Variants in RNF152 observed in about 807,000 individuals in gnomAD.
The protein encoded by RNF152 is E3 ubiquitin-protein ligase RNF152.
RNF152 carries 11 observed loss-of-function variants against 12.7 expected under a neutral mutation model. That is an observed-to-expected ratio of 0.86 (90% CI 0.54 to 1.43). RNF152 has a LOEUF of 1.43. Among genes scored for constraint, RNF152 ranks in the 40% most tolerant of loss-of-function variants. RNF152 has a pLI of 0.00. For synonymous variants in RNF152, 113 were observed against 120.3 expected (o/e 0.94, Z 0.40); for missense variants, 255 against 274.8 (o/e 0.93, Z 0.51).
In RNF152 at chr18:61,816,168, C is replaced by T. The variant is rs544523545; in HGVS notation, c.296G>A (p.Cys99Tyr). 1 of 1,614,220 alleles carries T rather than the reference C, an allele frequency of 6.2e-7. No homozygotes were observed. The highest frequency in any genetic ancestry group is 1.1e-5 in the South Asian group (1 of 91,078). ...PVFIKLPSNGCYMLPLPISKE... is the reference protein window; with the variant it reads ...PVFIKLPSNGYYMLPLPISKE... ...GGAGATGGGCAGGGGCAGCATGTAG[C>T]ACCCATTGCTGGGAAGTTTGATGAA... Residue 99 changes from cysteine (C) to tyrosine (Y), a missense_variant, in exon 2 of 2, where the codon TGC becomes TAC. By Grantham distance (194) the Cys-to-Tyr change is radical. Transcript: ENST00000312828.
intron 1 of RNF152, among the ~76,000 whole-genome samples, chr18:61,844,110 G>GAAAGAA (rs1555702354): frequency 1.8e-4 from 24 of 137,028 alleles, no homozygotes; most frequent in Admixed American, 5.9e-4. Flanking sequence ...AAGAAAGAAA[G>GAAAGAA]AAAGAAAGAA....
intron 1 of RNF152, among the ~76,000 whole-genome samples, chr18:61,868,913 A>G (rs1468812526): frequency 3.3e-5 from 5 of 152,192 alleles, no homozygotes; most frequent in Admixed American, 1.3e-4. Flanking sequence ...ACATCTTCAT[A>G]GATGACTTAA....
intron 1 of RNF152, among the ~76,000 whole-genome samples, chr18:61,842,003 T>G (rs749529705): frequency 6.6e-6 from 1 of 152,166 alleles, no homozygotes; most frequent in Non-Finnish European, 1.5e-5. Flanking sequence ...AAACATGAGG[T>G]GGGTTGCATT....
rs573907768 is a variant in RNF152, at chr18:61,840,873, C to G, written c.-135-24275G>C. Among the ~76,000 whole-genome samples the G allele has an allele frequency of 2.6e-5, 4 of 152,260 alleles. No homozygotes were observed. In the South Asian group the frequency reaches 6.2e-4, roughly 24 times the overall value. On this transcript the variant is annotated intron_variant, in intron 1 of 1. Transcript: ENST00000312828. ...CTCCAGCTAGTTTTGCATTTCAGAGCCTTTTCCCCTTCCCTACCCATGAAA... is the reference window on the plus strand; with the variant it reads ...CTCCAGCTAGTTTTGCATTTCAGAGGCTTTTCCCCTTCCCTACCCATGAAA...
rs201903258 is a variant in RNF152, at chr18:61,831,615, T to TA, written c.-135-15018dup. On this transcript the variant is annotated intron_variant, in intron 1 of 1. Transcript: ENST00000312828. The stretch of plus-strand genomic sequence containing the variant: ...CGCACAAAGTATTTAAGATGTAAGA[T>TA]AAAAAAAATAAGCAATTTAGAACAC... Among the ~76,000 whole-genome samples the TA allele has an allele frequency of 9.3e-3, 1,416 of 151,786 alleles. 16 individuals carry two copies. The highest frequency in any genetic ancestry group is 0.016 in the South Asian group (79 of 4,800).
intron 1 of RNF152, among the ~76,000 whole-genome samples, chr18:61,873,415 G>A (rs1407005657): frequency 1.3e-5 from 2 of 152,134 alleles, no homozygotes; most frequent in Non-Finnish European, 2.9e-5. Flanking sequence ...TCGGCTCACC[G>A]CAACCTCTGC....
chr18:61,855,732 G>T (rs532022764), intron 1 of RNF152, among the ~76,000 whole-genome samples: 2 of 152,314 alleles, frequency 1.3e-5, no homozygotes, highest in African/African-American at 2.4e-5. Context: ...CCCTTGGCAG[G>T]TGTGGAATCT....
At chr18:61,863,296 G>A (rs375129292) in intron 1 of RNF152, among the ~76,000 whole-genome samples, 27 of 152,104 alleles carry the variant, frequency 1.8e-4, no homozygotes, top group East Asian at 1.6e-3. Context: ...TTAGCCAGGC[G>A]TGGTGACACA....
intron 1 of RNF152, among the ~76,000 whole-genome samples, chr18:61,821,559 T>C (rs1191356541): frequency 1.3e-5 from 2 of 152,212 alleles, no homozygotes; most frequent in Non-Finnish European, 2.9e-5. Context: ...ACAAAGTCCA[T>C]GTAGACCAGA....
At chr18:61,834,663 T>G (rs28395263) in intron 1 of RNF152, among the ~76,000 whole-genome samples, 1,539 of 141,266 alleles carry the variant, frequency 0.011, 26 homozygotes, top group African/African-American at 0.037. Flanking sequence ...GGGTGAAAAC[T>G]AACTGAAATT....
rs149618143 is a variant in RNF152, at chr18:61,816,263, C to A, written c.201G>T (p.Ser67=). The A allele has an allele frequency of 5.1e-5, 83 of 1,614,084 alleles. No homozygotes were observed. The African/African-American group carries it at 9.3e-4, about 18-fold the overall frequency. Residue 67 remains serine, a synonymous_variant, in exon 2 of 2, where the codon TCG becomes TCT. Transcript: ENST00000312828. ...VTKLPPGFSV[S]QLPDDPEVLA... Reference sequence around the variant, plus strand: ...GGACCTCCGGGTCGTCCGGGAGCTGCGACACGGAGAAGCCGGGAGGCAGCT... The same window carrying A: ...GGACCTCCGGGTCGTCCGGGAGCTGAGACACGGAGAAGCCGGGAGGCAGCT...
chr18:61,888,067 A>T (rs1912776973), intron 1 of RNF152: 2 of 152,184 alleles, frequency 1.3e-5, no homozygotes, highest in Admixed American at 1.3e-4. Flanking sequence ...ATCATGCAGG[A>T]TGTTTGCAAT....
At chr18:61,825,618 C>G (rs908911410) in intron 1 of RNF152, among the ~76,000 whole-genome samples, 3 of 152,090 alleles carry the variant, frequency 2.0e-5, no homozygotes, top group Admixed American at 6.5e-5. Flanking sequence ...AGCTGCAGAC[C>G]AGGGAAGCAT....
At chr18:61,869,547 A>G (rs1250974179) in intron 1 of RNF152, among the ~76,000 whole-genome samples, 3 of 152,190 alleles carry the variant, frequency 2.0e-5, no homozygotes, top group Admixed American at 6.5e-5. Flanking sequence ...TGTTATTTCC[A>G]TTTGTTTAGG....
At chr18:61,824,577 T>C (rs575617487) in intron 1 of RNF152, among the ~76,000 whole-genome samples, 1 of 152,358 alleles carries the variant, frequency 6.6e-6, no homozygotes, top group African/African-American at 2.4e-5. Flanking sequence ...CTAGAGCCCA[T>C]ATCCTAACAG....
At chr18:61,869,743 G>A (rs1184346195) in intron 1 of RNF152, among the ~76,000 whole-genome samples, 2 of 151,986 alleles carry the variant, frequency 1.3e-5, no homozygotes, top group Admixed American at 1.3e-4. Flanking sequence ...AACTGAGTGG[G>A]CACACACACA....
At chr18:61,832,451 T>C (rs1909993179) in intron 1 of RNF152, among the ~76,000 whole-genome samples, 1 of 152,206 alleles carries the variant, frequency 6.6e-6, no homozygotes, top group Admixed American at 6.5e-5. Context: ...TAAAAACTGC[T>C]ATCCTAATTC....
chr18:61,816,835 C>T (rs1909122684), intron 1 of RNF152, among the ~76,000 whole-genome samples: 1 of 152,138 alleles, frequency 6.6e-6, no homozygotes, highest in Non-Finnish European at 1.5e-5. Flanking sequence ...TGAACAACTC[C>T]AATAGTTGTA....
At position 61,813,991 on chromosome 18, in the gene RNF152, G is replaced by A. The variant is rs1908944742; in HGVS notation, c.*1861C>T. 1 of 152,104 alleles carries A rather than the reference G, an allele frequency of 6.6e-6. No individual in the cohort carries two copies. 9.4% of individuals were successfully genotyped at this position (152,104 alleles called of 1,614,324 possible). On this transcript the variant is annotated 3_prime_UTR_variant, in exon 2 of 2. Coordinates refer to ENST00000312828, the MANE Select transcript of RNF152 (RefSeq NM_173557.3). ...ATTATTTGTTGTATAATGCCCAAGAGCTTACACAATAAAATGGCATTTTAA... is the reference window on the plus strand; with the variant it reads ...ATTATTTGTTGTATAATGCCCAAGAACTTACACAATAAAATGGCATTTTAA...
Sources: gnomAD v4.1 joint callset for allele counts (sites outside exome capture counted in the v4.1 genomes callset) on GRCh38, gnomAD v4.1.1 for gene constraint, MANE v1.5 for transcripts, NCBI Gene and HGNC (gene_info 2026-07-23, HGNC 2026-07-21) for gene names.